The following PTPRD variants were observed in gnomAD, a reference collection of about 807,000 sequenced individuals.
The protein encoded by PTPRD is receptor-type tyrosine-protein phosphatase delta.
Under a neutral mutation model 214.5 loss-of-function variants are expected in PTPRD, and 34 were observed. That is an observed-to-expected ratio of 0.16 (90% CI 0.12 to 0.21). The LOEUF (loss-of-function observed/expected upper bound fraction) is 0.21, where lower values mean the gene tolerates loss of function less well. Ranked by LOEUF, PTPRD falls within the 10% of genes least tolerant of loss-of-function variation. The pLI, the probability that PTPRD is intolerant of heterozygous loss-of-function variation, is 1.00. For synonymous variants in PTPRD, 1,128 were observed against 845.7 expected (o/e 1.33, Z -5.79); for missense variants, 2,545 against 2,398.7 (o/e 1.06, Z -1.27).
rs985810183 is a variant in PTPRD, at chr9:9,892,610, A to T, written c.-368+45897T>A. Among the ~76,000 whole-genome samples the T allele has an allele frequency of 3.3e-5, 5 of 152,132 alleles. No homozygotes were observed. The South Asian group carries it at 8.3e-4, about 25-fold the overall frequency. On this transcript the variant is annotated intron_variant, in intron 5 of 45. Coordinates refer to ENST00000381196, the MANE Select transcript of PTPRD (RefSeq NM_002839.4). ...AAAAAGCATTGGAACATTTTGGGCCAAACTGTTGGGAAATGATCTCACTAT... is the reference window on the plus strand; with the variant it reads ...AAAAAGCATTGGAACATTTTGGGCCTAACTGTTGGGAAATGATCTCACTAT...
intron 8 of PTPRD, among the ~76,000 whole-genome samples, chr9:9,494,717 T>A (rs1310175507): frequency 6.6e-6 from 1 of 152,212 alleles, no homozygotes; most frequent in South Asian, 2.1e-4. Context: ...GAAAACTTCA[T>A]GTTAAAATGT....
At chr9:9,175,040 G>C (rs542292373) in intron 10 of PTPRD, among the ~76,000 whole-genome samples, 16 of 152,092 alleles carry the variant, frequency 1.1e-4, no homozygotes, top group African/African-American at 3.9e-4. Flanking sequence ...ATAGCCAGAA[G>C]ACCCCATCTA....
chr9:8,765,961 T>C (rs2094705746), intron 11 of PTPRD, among the ~76,000 whole-genome samples: 1 of 152,052 alleles, frequency 6.6e-6, no homozygotes, highest in African/African-American at 2.4e-5. Context: ...CAAAATATAG[T>C]ACTCTAAAGC....
intron 35 of PTPRD, among the ~76,000 whole-genome samples, chr9:8,431,473 T>C (rs2095049325): frequency 6.6e-6 from 1 of 152,220 alleles, no homozygotes; most frequent in Non-Finnish European, 1.5e-5. Flanking sequence ...CTCTTCTGTA[T>C]TTCCTTGAGA....
chr9:8,689,847 C>G (rs7031383), intron 12 of PTPRD, among the ~76,000 whole-genome samples: 2 of 152,112 alleles, frequency 1.3e-5, no homozygotes, highest in African/African-American at 4.8e-5. Flanking sequence ...GTGGTTCATG[C>G]CTGTAATCCC....
At chr9:8,915,839 C>A (rs2098782055) in intron 11 of PTPRD, among the ~76,000 whole-genome samples, 1 of 152,148 alleles carries the variant, frequency 6.6e-6, no homozygotes, top group African/African-American at 2.4e-5. Flanking sequence ...ATGTTAGCTT[C>A]ATCTAATAAA....
chr9:8,784,584 C>T (rs976715319), intron 11 of PTPRD, among the ~76,000 whole-genome samples: 5 of 152,094 alleles, frequency 3.3e-5, no homozygotes, highest in East Asian at 1.9e-4. Context: ...AATTAAACAG[C>T]GTCAGAACCT....
In PTPRD at chr9:8,988,503, T is replaced by A. The variant is rs192262969; in HGVS notation, c.-104+30194A>T. Among the ~76,000 whole-genome samples the A allele has an allele frequency of 1.1e-3, 169 of 152,234 alleles. 1 individual carries two copies. The highest frequency in any genetic ancestry group is 3.7e-3 in the African/African-American group (155 of 41,568). On this transcript the variant is annotated intron_variant, in intron 11 of 45. Transcript: ENST00000381196. ...ATTTAGGGTCAGATAATAAAATGCT[T>A]GATTTAATAACTTTATTTGTTGATG...
chr9:8,636,581 A>G (rs1564878390), intron 13 of PTPRD, 118 bp downstream of exon 13: 1 of 1,251,030 alleles, frequency 8.0e-7, no homozygotes, highest in South Asian at 1.8e-5. Context: ...CTTGCAATGT[A>G]AGGAATACCA....
rs773535251 is a variant in PTPRD, at chr9:9,715,116, T to C, written c.-287+19417A>G. 4.6e-5 allele frequency among the ~76,000 whole-genome samples: 7 copies of C among 152,276 alleles called. No individual in the cohort carries two copies. In the Middle Eastern group the frequency reaches 0.017, roughly 370 times the overall value. On this transcript the variant is annotated intron_variant, in intron 7 of 45. Transcript: ENST00000381196. ...TCCTCGTCCAAATAACTTTGTGACT[T>C]TGGGCAAATTACTTTATGTCACTGG...
intron 5 of PTPRD, among the ~76,000 whole-genome samples, chr9:9,824,245 C>T (rs910111737): frequency 6.6e-6 from 1 of 151,860 alleles, no homozygotes; most frequent in Non-Finnish European, 1.5e-5. Context: ...TAGAAATACT[C>T]AACCTGCATC....
chr9:9,055,486 A>G (rs893141058), intron 10 of PTPRD, among the ~76,000 whole-genome samples: 3 of 152,134 alleles, frequency 2.0e-5, no homozygotes, highest in African/African-American at 7.2e-5. Flanking sequence ...AATACCAAGA[A>G]TAATGTTTGA....
intron 9 of PTPRD, among the ~76,000 whole-genome samples, chr9:9,330,815 T>C (rs1387020866): frequency 6.6e-6 from 1 of 151,856 alleles, no homozygotes; most frequent in Non-Finnish European, 1.5e-5. Context: ...TAATTCACTT[T>C]TTTTCTAGGA....
chr9:9,747,960 C>T (rs2761705), intron 6 of PTPRD, among the ~76,000 whole-genome samples: 79,946 of 152,070 alleles, frequency 0.53, 24,219 homozygotes, highest in African/African-American at 0.82. Flanking sequence ...CTCTGAGTCA[C>T]TGTCCATGCA....
intron 2 of PTPRD, among the ~76,000 whole-genome samples, chr9:10,572,060 G>A (rs189094762): frequency 6.6e-6 from 1 of 152,020 alleles, no homozygotes; most frequent in African/African-American, 2.4e-5. Context: ...TAGACATACA[G>A]ACATAGAAAC....
chr9:9,087,330 C>A (rs977335501), intron 10 of PTPRD, among the ~76,000 whole-genome samples: 5 of 152,044 alleles, frequency 3.3e-5, no homozygotes, highest in Admixed American at 6.5e-5. Flanking sequence ...GAAGATAAAT[C>A]ACAAATAATA....
Position 9,316,659 on chromosome 9 carries a change from T to C in PTPRD, c.-203+80790A>G, listed in dbSNP as rs540072115. Among the ~76,000 whole-genome samples the C allele has an allele frequency of 1.8e-4, 28 of 152,196 alleles. 1 individual carries two copies. Among genetic ancestry groups the C allele is most frequent in the Admixed American group, 1.5e-3 (23 of 15,276 alleles). On this transcript the variant is annotated intron_variant, in intron 9 of 45. Coordinates refer to ENST00000381196, the MANE Select transcript of PTPRD (RefSeq NM_002839.4). ...AACTATGCCACTTTTCTTCCAAGAA[T>C]TGTAGCATGAAATTAAGTGAGCAAA... is the stretch of plus-strand genomic sequence containing the variant.
intron 43 of PTPRD, 143 bp from the exon 44 acceptor site, chr9:8,331,879 T>C: frequency 1.0e-6 from 1 of 955,990 alleles, no homozygotes; most frequent in South Asian, 2.0e-5. Context: ...AATAGAAACT[T>C]AGTTATGGTT....
chr9:9,387,418 G>A (rs988686336), intron 9 of PTPRD, among the ~76,000 whole-genome samples: 3 of 151,914 alleles, frequency 2.0e-5, no homozygotes, highest in Admixed American at 2.0e-4. Context: ...AAGTTATTGA[G>A]GACATTTATT....
Sources: allele counts gnomAD v4.1 joint callset (sites outside exome capture counted in the v4.1 genomes callset), GRCh38; gene constraint gnomAD v4.1.1; transcripts MANE v1.5; gene names NCBI Gene and HGNC (gene_info 2026-07-23, HGNC 2026-07-21).